The following EPHB1 variants were observed in gnomAD, a reference collection of about 807,000 sequenced individuals.
EPHB1 encodes ephrin type-B receptor 1.
EPHB1 carries 30 observed loss-of-function variants against 94.4 expected under a neutral mutation model. The observed-to-expected ratio is 0.32, with a 90% confidence interval of 0.24 to 0.43. The LOEUF (loss-of-function observed/expected upper bound fraction) is 0.43. Among genes scored for constraint, EPHB1 ranks in the 20% least tolerant of loss-of-function variants. The probability of loss-of-function intolerance (pLI) is 1.00; values close to 1 mark genes in which losing one functional copy is unlikely to be tolerated. For synonymous variants in EPHB1, 522 were observed against 489.1 expected, an observed-to-expected ratio of 1.07 and a Z score of -0.89; for missense variants, 1,055 against 1,308.3, an observed-to-expected ratio of 0.81 and a Z score of 2.99.
chr3:135,027,392 A>T (rs1251224172), intron 3 of EPHB1, among the ~76,000 whole-genome samples: 8 of 145,432 alleles, frequency 5.5e-5, no homozygotes, highest in Non-Finnish European at 1.1e-4. Flanking sequence ...ACGTCCCATC[A>T]ATACCTAATT....
At chr3:134,976,208 G>A (rs910571074) in intron 3 of EPHB1, among the ~76,000 whole-genome samples, 3 of 152,200 alleles carry the variant, frequency 2.0e-5, no homozygotes, top group Non-Finnish European at 4.4e-5. Flanking sequence ...GAGATCTATG[G>A]GAGCAGCTAG....
intron 1 of EPHB1, among the ~76,000 whole-genome samples, chr3:134,842,353 AGTTG>A (rs966587930): frequency 6.6e-6 from 1 of 152,190 alleles, no homozygotes; most frequent in African/African-American, 2.4e-5. Context: ...AGATAAAGAC[AGTTG>A]GGCTCCTAGG....
chr3:135,250,658 A>G (rs1933038531), intron 15 of EPHB1, among the ~76,000 whole-genome samples: 1 of 152,030 alleles, frequency 6.6e-6, no homozygotes, highest in Non-Finnish European at 1.5e-5. Context: ...TTCTACACTC[A>G]CAGAAGCTCA....
In EPHB1 at chr3:135,259,223, C is replaced by T; in HGVS notation, c.*103C>T. Reference sequence around the variant, plus strand: ...TGTACTGGAGAGACTGGCTTCTCAGCTGAGGAATGCATTTCCATCAGTGAA... The same window carrying T: ...TGTACTGGAGAGACTGGCTTCTCAGTTGAGGAATGCATTTCCATCAGTGAA... On this transcript the variant is annotated 3_prime_UTR_variant, in exon 16 of 16. Transcript: ENST00000398015. 1.2e-6 allele frequency: 1 copy of T among 845,564 alleles called. No individual in the cohort carries two copies. The highest frequency in any genetic ancestry group is 1.9e-6 in the Non-Finnish European group (1 of 539,012). 52.4% of individuals were successfully genotyped at this position (845,564 alleles called of 1,614,324 possible).
intron 3 of EPHB1, chr3:134,978,180 A>C: frequency 3.0e-6 from 1 of 331,520 alleles, no homozygotes; most frequent in Non-Finnish European, 5.9e-6. Context: ...AGTCCTATCC[A>C]TTCCACTGTG....
At chr3:135,053,005 G>GTGTGTGTGTA (rs1553726812) in intron 3 of EPHB1, among the ~76,000 whole-genome samples, 4 of 84,998 alleles carry the variant, frequency 4.7e-5, no homozygotes, top group African/African-American at 2.3e-4. Flanking sequence ...ATATGTGTGT[G>GTGTGTGTGTA]TATATATATG....
At chr3:135,020,895 G>A (rs1057514796) in intron 3 of EPHB1, among the ~76,000 whole-genome samples, 6 of 152,122 alleles carry the variant, frequency 3.9e-5, no homozygotes, top group Non-Finnish European at 4.4e-5. Flanking sequence ...AATAGGGTGA[G>A]AGTCTAATTT....
chr3:135,141,511 C>A (rs551125758), intron 5 of EPHB1, among the ~76,000 whole-genome samples: 1 of 151,968 alleles, frequency 6.6e-6, no homozygotes, highest in South Asian at 2.1e-4. Flanking sequence ...CCTAAACCAG[C>A]GGGCTGGTCT....
intron 1 of EPHB1, among the ~76,000 whole-genome samples, chr3:134,829,392 A>G (rs2036541038): frequency 6.6e-6 from 1 of 152,144 alleles, no homozygotes; most frequent in Non-Finnish European, 1.5e-5. Flanking sequence ...GTGAGGACCT[A>G]TCAGGAGAAG....
At chr3:134,952,611 C>T (rs1386683524) in intron 3 of EPHB1, among the ~76,000 whole-genome samples, 1 of 152,212 alleles carries the variant, frequency 6.6e-6, no homozygotes, top group Non-Finnish European at 1.5e-5. Context: ...GGCTGTCTTT[C>T]TCTAGGGGCT....
At chr3:134,999,609 G>A (rs947527958) in intron 3 of EPHB1, among the ~76,000 whole-genome samples, 5 of 152,208 alleles carry the variant, frequency 3.3e-5, no homozygotes, top group Non-Finnish European at 7.3e-5. Context: ...CTTAGTAAAG[G>A]AGGAAGGATC....
At chr3:134,913,027 A>C (rs534945338) in intron 1 of EPHB1, among the ~76,000 whole-genome samples, 1 of 152,312 alleles carries the variant, frequency 6.6e-6, no homozygotes, top group African/African-American at 2.4e-5. Flanking sequence ...TGGTATCCCA[A>C]ATGAAAGGCT....
intron 1 of EPHB1, among the ~76,000 whole-genome samples, chr3:134,869,401 A>T (rs1045116527): frequency 6.6e-6 from 1 of 152,096 alleles, no homozygotes; most frequent in African/African-American, 2.4e-5. Context: ...GCTTCCTGGG[A>T]CTACACCTTC....
intron 2 of EPHB1, among the ~76,000 whole-genome samples, chr3:134,929,866 G>A (rs1418306812): frequency 6.6e-6 from 1 of 152,224 alleles, no homozygotes; most frequent in Non-Finnish European, 1.5e-5. Context: ...GCTTGGGAGA[G>A]CAGGGGTCCT....
chr3:135,051,823 A>G (rs922664265), intron 3 of EPHB1, among the ~76,000 whole-genome samples: 1 of 152,186 alleles, frequency 6.6e-6, no homozygotes, highest in Non-Finnish European at 1.5e-5. Context: ...TTTCTCTAAG[A>G]GATGCTGTCA....
chr3:134,934,566 G>T (rs1407165186), intron 2 of EPHB1, among the ~76,000 whole-genome samples: 6 of 152,174 alleles, frequency 3.9e-5, no homozygotes, highest in Admixed American at 3.9e-4. Context: ...GTTTTTATGG[G>T]CATGTGTATG....
chr3:135,003,979 G>A lies in EPHB1; in HGVS notation c.805+51927G>A, dbSNP rs1479396876. The stretch of plus-strand genomic sequence containing the variant: ...TTACATTTAAAGTTAATAGTGTTAT[G>A]TGTGAATTTGATCCTGTCATTATGA... On this transcript the variant is annotated intron_variant, in intron 3 of 15. Coordinates refer to ENST00000398015, the MANE Select transcript of EPHB1 (RefSeq NM_004441.5). Among the ~76,000 whole-genome samples, 5 of 151,814 alleles carry A rather than the reference G, an allele frequency of 3.3e-5. No individual in the cohort carries two copies. In the East Asian group the frequency reaches 9.7e-4, roughly 29 times the overall value.
chr3:134,878,048 A>T (rs555430289), intron 1 of EPHB1, among the ~76,000 whole-genome samples: 1 of 152,190 alleles, frequency 6.6e-6, no homozygotes, highest in East Asian at 1.9e-4. Context: ...CTGCATGGAG[A>T]TTACCCCAGC....
chr3:135,242,149 C>T (rs1481319282), intron 13 of EPHB1, among the ~76,000 whole-genome samples: 1 of 152,214 alleles, frequency 6.6e-6, no homozygotes, highest in Non-Finnish European at 1.5e-5. Context: ...CTCTCACCCT[C>T]TCCAGGGACC....
Sources: allele counts gnomAD v4.1 joint callset (sites outside exome capture counted in the v4.1 genomes callset), GRCh38; gene constraint gnomAD v4.1.1; transcripts MANE v1.5; gene names NCBI Gene and HGNC (gene_info 2026-07-23, HGNC 2026-07-21).